The following DCC variants were observed in gnomAD, a reference collection of about 807,000 sequenced individuals.
DCC encodes DCC netrin 1 receptor, also known as netrin receptor DCC.
A neutral mutation model predicts 172.5 loss-of-function variants in DCC; 58 were observed. The ratio of observed to expected loss-of-function variants is 0.34; its 90% CI spans 0.27 to 0.42. The LOEUF (loss-of-function observed/expected upper bound fraction) is 0.42. Among genes scored for constraint, DCC ranks in the 10% least tolerant of loss-of-function variants. The pLI is 1.00. For synonymous variants in DCC, 709 were observed against 644.5 expected (o/e 1.10, Z -1.52); for missense variants, 1,740 against 1,791.0 (o/e 0.97, Z 0.51).
rs945618995 is a variant in DCC, at chr18:53,205,256, T to C, written c.1614T>C (p.Ser538=). ...PGPVENLQAV[S]TSPTSILITW... The stretch of plus-strand genomic sequence containing the variant: ...CAGTAGAAAACCTGCAAGCTGTATC[T>C]ACCTCACCTACCTCAATTCTTATTA... Residue 538 remains serine, a synonymous_variant, in exon 10 of 29, where the codon TCT becomes TCC. Coordinates refer to ENST00000442544, the MANE Select transcript of DCC (RefSeq NM_005215.4). The C allele has an allele frequency of 6.2e-7, 1 of 1,613,452 alleles. No homozygotes were observed.
intron 2 of DCC, among the ~76,000 whole-genome samples, chr18:52,812,918 A>G (rs2038228096): frequency 1.3e-5 from 2 of 152,224 alleles, no homozygotes; most frequent in African/African-American, 4.8e-5. Flanking sequence ...AGTGTTAGCA[A>G]TGATCACCAG....
At chr18:52,418,017 A>G (rs1354798482) in intron 1 of DCC, among the ~76,000 whole-genome samples, 2 of 152,012 alleles carry the variant, frequency 1.3e-5, no homozygotes, top group African/African-American at 4.8e-5. Flanking sequence ...AGGACCCCGG[A>G]AAATTGATTG....
intron 7 of DCC, among the ~76,000 whole-genome samples, chr18:53,090,698 C>CAACA (rs2042990907): frequency 2.5e-5 from 1 of 39,356 alleles, no homozygotes. Flanking sequence ...CGTCCCCCAA[C>CAACA]AAAAAAAAAA....
intron 5 of DCC, among the ~76,000 whole-genome samples, chr18:53,053,434 A>G (rs1266277390): frequency 6.6e-6 from 1 of 152,114 alleles, no homozygotes; most frequent in East Asian, 1.9e-4. Flanking sequence ...GTGTCGATGT[A>G]TATACTAGGA....
intron 3 of DCC, among the ~76,000 whole-genome samples, chr18:52,923,264 T>C (rs535023260): frequency 2.0e-5 from 3 of 152,296 alleles, no homozygotes; most frequent in African/African-American, 7.2e-5. Context: ...AATTTGAATA[T>C]GTCAAATTCT....
At chr18:52,980,515 T>C (rs1365416622) in intron 5 of DCC, among the ~76,000 whole-genome samples, 1 of 152,156 alleles carries the variant, frequency 6.6e-6, no homozygotes, top group East Asian at 1.9e-4. Context: ...TGATTAGGAC[T>C]ACTTCTATAC....
intron 15 of DCC, among the ~76,000 whole-genome samples, chr18:53,368,717 G>T (rs980115113): frequency 4.6e-5 from 7 of 151,926 alleles, no homozygotes; most frequent in Non-Finnish European, 1.0e-4. Flanking sequence ...CCATTAAATC[G>T]TCTTGAAATC....
At chr18:52,704,835 T>G (rs1361947323) in intron 1 of DCC, among the ~76,000 whole-genome samples, 1 of 152,208 alleles carries the variant, frequency 6.6e-6, no homozygotes, top group Non-Finnish European at 1.5e-5. Context: ...AGGAGACTTT[T>G]GAGGATTTGC....
chr18:52,762,798 G>A (rs2037185177), intron 2 of DCC, among the ~76,000 whole-genome samples: 1 of 152,090 alleles, frequency 6.6e-6, no homozygotes, highest in Non-Finnish European at 1.5e-5. Flanking sequence ...ACTCCAGCCT[G>A]GGCAACAGAG....
intron 12 of DCC, among the ~76,000 whole-genome samples, chr18:53,262,465 G>A (rs1000258640): frequency 2.3e-4 from 35 of 152,144 alleles, no homozygotes; most frequent in African/African-American, 7.5e-4. Flanking sequence ...GACATTTAAA[G>A]CTAAACTCCC....
intron 1 of DCC, among the ~76,000 whole-genome samples, chr18:52,422,545 A>G (rs1258586388): frequency 1.3e-5 from 2 of 152,190 alleles, no homozygotes; most frequent in Non-Finnish European, 2.9e-5. Flanking sequence ...GGATATACAA[A>G]CTACAATGAA....
At chr18:53,113,739 C>T (rs999407236) in intron 7 of DCC, among the ~76,000 whole-genome samples, 7 of 150,980 alleles carry the variant, frequency 4.6e-5, no homozygotes, top group South Asian at 4.2e-4. Context: ...ATAGTATATG[C>T]ATTTCTTGTC....
At chr18:52,631,801 C>T (rs183903683) in intron 1 of DCC, among the ~76,000 whole-genome samples, 141 of 152,252 alleles carry the variant, frequency 9.3e-4, no homozygotes, top group African/African-American at 3.2e-3. Flanking sequence ...ATTGATTGGC[C>T]AAATGAAGGA....
chr18:52,688,228 A>G (rs1364295284), intron 1 of DCC, among the ~76,000 whole-genome samples: 1 of 151,952 alleles, frequency 6.6e-6, no homozygotes, highest in East Asian at 1.9e-4. Flanking sequence ...AAAAGTGTAG[A>G]TGTGCTGTAG....
At chr18:53,351,297 A>ATATATATATATATATATATACACTG (rs1568074437) in intron 15 of DCC, among the ~76,000 whole-genome samples, 11 of 26,182 alleles carry the variant, frequency 4.2e-4, no homozygotes, top group African/African-American at 8.3e-4. Flanking sequence ...TACAGTATAT[A>ATATATATATATATATATATACACTG]TATATATATA....
intron 1 of DCC, among the ~76,000 whole-genome samples, chr18:52,489,733 C>T (rs2030409027): frequency 6.6e-6 from 1 of 152,076 alleles, no homozygotes; most frequent in Non-Finnish European, 1.5e-5. Context: ...TCAGATTTGC[C>T]TATCACTGTC....
At chr18:53,051,339 C>A (rs1033707525) in intron 5 of DCC, among the ~76,000 whole-genome samples, 1 of 152,140 alleles carries the variant, frequency 6.6e-6, no homozygotes, top group Non-Finnish European at 1.5e-5. Flanking sequence ...TTCCTCCTCT[C>A]ATTTGCCCAC....
intron 3 of DCC, among the ~76,000 whole-genome samples, chr18:52,908,022 T>TG (rs1317555236): frequency 1.4e-4 from 21 of 152,208 alleles, no homozygotes; most frequent in African/African-American, 5.1e-4. Context: ...TAGCCGAACT[T>TG]GTAAGACTGA....
rs1185658032 is a variant in DCC at position 53,417,788 on chromosome 18, C to T, written c.3163+1632C>T. ...ATGGCTTTCCACTTCTCTCTGGGTA[C>T]TATTATATTGTTTTTTCTTTTGTTA... is the stretch of plus-strand genomic sequence containing the variant. On this transcript the variant is annotated intron_variant, in intron 21 of 28. Transcript: ENST00000442544. 2.0e-5 allele frequency among the ~76,000 whole-genome samples: 3 copies of T among 152,042 alleles called. No individual in the cohort carries two copies. The East Asian group carries it at 5.8e-4, about 29-fold the overall frequency.
Sources: allele counts gnomAD v4.1 joint callset (sites outside exome capture counted in the v4.1 genomes callset), GRCh38; gene constraint gnomAD v4.1.1; transcripts MANE v1.5; gene names NCBI Gene and HGNC (gene_info 2026-07-23, HGNC 2026-07-21).